The following NUP133 variants were observed in gnomAD, a reference collection of about 807,000 sequenced individuals.
NUP133 encodes the protein nuclear pore complex protein Nup133.
NUP133 carries 66 observed loss-of-function variants against 146.2 expected under a neutral mutation model. The ratio of observed to expected loss-of-function variants is 0.45; its 90% CI spans 0.37 to 0.55. The LOEUF is 0.55. Among genes scored for constraint, NUP133 ranks in the 20% least tolerant of loss-of-function variants. NUP133 has a pLI of 0.00. For missense variants in NUP133, 1,277 were observed against 1,374.8 expected (o/e 0.93, Z 1.12); for synonymous variants, 521 against 498.8 (o/e 1.04, Z -0.59).
chr1:229,453,652 C>T (rs181771145), intron 21 of NUP133, among the ~76,000 whole-genome samples: 6 of 152,228 alleles, frequency 3.9e-5, no homozygotes, highest in Non-Finnish European at 7.3e-5. Context: ...GTTAACACTT[C>T]AGCAAGCGGA....
At chr1:229,492,278 T>C (rs1430200814) in intron 8 of NUP133, among the ~76,000 whole-genome samples, 1 of 152,084 alleles carries the variant, frequency 6.6e-6, no homozygotes, top group African/African-American at 2.4e-5. Context: ...GGCTAATTTT[T>C]GTATTTTTAG....
chr1:229,485,281 G>A (rs1661320822), intron 11 of NUP133, among the ~76,000 whole-genome samples: 1 of 152,172 alleles, frequency 6.6e-6, no homozygotes, highest in Non-Finnish European at 1.5e-5. Flanking sequence ...ACCTATGCAT[G>A]GTGCAGAGGA....
chr1:229,498,785 T>C (rs184728462), intron 5 of NUP133, among the ~76,000 whole-genome samples: 1 of 152,198 alleles, frequency 6.6e-6, no homozygotes, highest in African/African-American at 2.4e-5. Context: ...AAACAACTTT[T>C]GTAGCAGAAA....
At position 229,444,839 on chromosome 1, in the gene NUP133, T is replaced by C. The variant is rs1046085469; in HGVS notation, c.3334+75A>G. The stretch of plus-strand genomic sequence containing the variant: ...TCCAGCCTGAGTGACAGAGCAAGAC[T>C]CCGTCTCAAAAAAAAACCCAAAAAA... On this transcript the variant is annotated intron_variant, in intron 25 of 25. Coordinates refer to ENST00000261396, the MANE Select transcript of NUP133 (RefSeq NM_018230.3). 9.7e-6 allele frequency: 9 copies of C among 930,850 alleles called. No individual in the cohort carries two copies. The Admixed American group carries it at 1.2e-4, about 12-fold the overall frequency. 57.7% of individuals were successfully genotyped at this position (930,850 alleles called of 1,614,324 possible).
chr1:229,498,621 C>T (rs553144332), intron 5 of NUP133, among the ~76,000 whole-genome samples: 3 of 152,022 alleles, frequency 2.0e-5, no homozygotes, highest in South Asian at 4.2e-4. Flanking sequence ...CTGGGCGTGG[C>T]GGTGCGCACC....
chr1:229,488,832 G>T lies in NUP133; in HGVS notation c.1194+1123C>A, dbSNP rs145567672. 3.6e-3 allele frequency among the ~76,000 whole-genome samples: 542 copies of T among 152,262 alleles called. 3 individuals are homozygous for T. Among genetic ancestry groups the T allele is most frequent in the Admixed American group, 9.1e-3 (140 of 15,302 alleles). On this transcript the variant is annotated intron_variant, in intron 9 of 25. Coordinates refer to ENST00000261396, the MANE Select transcript of NUP133 (RefSeq NM_018230.3). Reference sequence around the variant, plus strand: ...ACTGCACTCCAGTCCAAGCAACACAGCAAGACTTTATCTCTTCAAAAAATA... The same window carrying T: ...ACTGCACTCCAGTCCAAGCAACACATCAAGACTTTATCTCTTCAAAAAATA...
chr1:229,503,173 G>A (rs977566330), intron 2 of NUP133, among the ~76,000 whole-genome samples: 2 of 152,046 alleles, frequency 1.3e-5, no homozygotes, highest in Non-Finnish European at 2.9e-5. Context: ...AGCTACTCGG[G>A]AGGCTGAGGC....
intron 14 of NUP133, 35 bp downstream of exon 14, chr1:229,475,603 G>A (rs753121092): frequency 4.6e-6 from 7 of 1,508,106 alleles, no homozygotes; most frequent in Non-Finnish European, 6.5e-6. Flanking sequence ...GACTGCCAAA[G>A]GCAGAGCCCT....
At chr1:229,453,425 CAT>C (rs760653037) in intron 21 of NUP133, among the ~76,000 whole-genome samples, 5 of 152,172 alleles carry the variant, frequency 3.3e-5, no homozygotes, top group Non-Finnish European at 7.3e-5. Flanking sequence ...AGTGGCACTT[CAT>C]ATGAGTCTCA....
intron 12 of NUP133, among the ~76,000 whole-genome samples, chr1:229,482,424 G>A (rs763380837): frequency 8.5e-5 from 13 of 152,092 alleles, no homozygotes; most frequent in South Asian, 2.1e-4. Context: ...TCAATACTTC[G>A]AAAAGGAAGA....
Position 229,464,720 on chromosome 1 carries a change from G to C in NUP133, c.2455C>G (p.Gln819Glu). 1 of 1,614,192 alleles carries C rather than the reference G, an allele frequency of 6.2e-7. No individual in the cohort carries two copies. Among genetic ancestry groups the C allele is most frequent in the Non-Finnish European group, 8.5e-7 (1 of 1,180,040 alleles). ...IDCFLDGYVSQLKSVDKSSNR... is the reference protein window; with the variant it reads ...IDCFLDGYVSELKSVDKSSNR... ...CTGGATTTATCCACAGACTTAAGCT[G>C]AGAAACATAACCATCCAGGAAGCAA... The change falls in exon 18 of 26, where the codon CAG (glutamine) becomes GAG (glutamate). Residue 819 changes from glutamine (Q) to glutamate (E), a missense_variant. Transcript: ENST00000261396.
intron 11 of NUP133, among the ~76,000 whole-genome samples, chr1:229,485,053 A>G (rs893857390): frequency 7.9e-5 from 12 of 152,222 alleles, no homozygotes; most frequent in Non-Finnish European, 1.6e-4. Flanking sequence ...GTCTTCTGTA[A>G]AAGAATGATA....
intron 1 of NUP133, among the ~76,000 whole-genome samples, chr1:229,506,536 A>G (rs1008928407): frequency 2.7e-5 from 4 of 150,160 alleles, no homozygotes; most frequent in Admixed American, 1.3e-4. Context: ...AGCTTTTACC[A>G]TATGTTGTGG....
At chr1:229,497,829 C>A (rs1661695569) in intron 6 of NUP133, among the ~76,000 whole-genome samples, 1 of 152,170 alleles carries the variant, frequency 6.6e-6, no homozygotes, top group Admixed American at 6.5e-5. Context: ...AAACACGCTT[C>A]TGGTTAAATC....
At chr1:229,504,115 C>T (rs1250137630) in intron 2 of NUP133, among the ~76,000 whole-genome samples, 4 of 152,006 alleles carry the variant, frequency 2.6e-5, no homozygotes, top group Non-Finnish European at 5.9e-5. Flanking sequence ...GAGATATATT[C>T]CTTCTTCTAA....
intron 21 of NUP133, among the ~76,000 whole-genome samples, chr1:229,456,693 A>T (rs1204342479): frequency 6.6e-6 from 1 of 152,100 alleles, no homozygotes; most frequent in African/African-American, 2.4e-5. Flanking sequence ...GAGACAAGAA[A>T]TACGTATGTG....
In NUP133 at chr1:229,494,653, T is replaced by C. The variant is rs777093623; in HGVS notation, c.1046+842A>G. Among the ~76,000 whole-genome samples the C allele has an allele frequency of 5.9e-5, 9 of 152,192 alleles. No individual in the cohort carries two copies. In the South Asian group the frequency reaches 6.2e-4, roughly 11 times the overall value. ...TTTATCAGACTAACCTAGGATCCTA[T>C]GCACCACTCAGAGAGAGCACTGTTT... On this transcript the variant is annotated intron_variant, in intron 8 of 25. Coordinates refer to ENST00000261396, the MANE Select transcript of NUP133 (RefSeq NM_018230.3).
At chr1:229,499,577 TG>T in intron 5 of NUP133, 106 bp downstream of exon 5, 1 of 1,219,924 alleles carries the variant, frequency 8.2e-7, no homozygotes, top group Non-Finnish European at 1.1e-6. Context: ...GAGAATTGCC[TG>T]GGCAACATAA....
intron 24 of NUP133, among the ~76,000 whole-genome samples, chr1:229,448,355 G>C (rs1313707934): frequency 6.6e-6 from 1 of 152,238 alleles, no homozygotes; most frequent in East Asian, 1.9e-4. Flanking sequence ...TTGAACCCGG[G>C]AGGCAGAGGT....
Sources: gnomAD v4.1 joint callset for allele counts (sites outside exome capture counted in the v4.1 genomes callset) on GRCh38, gnomAD v4.1.1 for gene constraint, MANE v1.5 for transcripts, NCBI Gene and HGNC (gene_info 2026-07-23, HGNC 2026-07-21) for gene names.